Variants in NTNG1 observed in about 807,000 individuals in gnomAD.
NTNG1 encodes netrin G1.
Under a neutral mutation model 54.0 loss-of-function variants are expected in NTNG1, and 16 were observed. The observed-to-expected ratio is 0.30, with a 90% CI of 0.20 to 0.45. The LOEUF (loss-of-function observed/expected upper bound fraction) is 0.45, where lower values mean the gene tolerates loss of function less well. Ranked by LOEUF, NTNG1 falls within the 20% of genes least tolerant of loss-of-function variation. The pLI, the probability that NTNG1 is intolerant of heterozygous loss-of-function variation, is 1.00. For missense variants in NTNG1, 530 were observed against 678.7 expected (o/e 0.78, Z 2.43); for synonymous variants, 255 against 263.1 (o/e 0.97, Z 0.30).
At chr1:107,366,724 C>T (rs186232580) in intron 3 of NTNG1, among the ~76,000 whole-genome samples, 195 of 152,306 alleles carry the variant, frequency 1.3e-3, no homozygotes, top group African/African-American at 4.4e-3. Flanking sequence ...GCAGAATTAA[C>T]TCATCTATTA....
chr1:107,477,735 T>A (rs377676005), intron 7 of NTNG1, among the ~76,000 whole-genome samples: 130 of 147,944 alleles, frequency 8.8e-4, no homozygotes, highest in African/African-American at 3.1e-3. Flanking sequence ...AGATTTTTTT[T>A]ATACTATATC....
chr1:107,297,901 C>T (rs1020552809), intron 2 of NTNG1, among the ~76,000 whole-genome samples: 3 of 152,046 alleles, frequency 2.0e-5, no homozygotes, highest in Non-Finnish European at 4.4e-5. Flanking sequence ...TGAGCAAAAG[C>T]AGACCTGGAT....
At chr1:107,200,009 G>A (rs1282720772) in intron 2 of NTNG1, among the ~76,000 whole-genome samples, 2 of 151,708 alleles carry the variant, frequency 1.3e-5, no homozygotes, top group African/African-American at 2.4e-5. Context: ...TGGAATCATG[G>A]GGTTTTCTCT....
At chr1:107,235,273 A>G (rs936215119) in intron 2 of NTNG1, among the ~76,000 whole-genome samples, 1 of 151,832 alleles carries the variant, frequency 6.6e-6, no homozygotes, top group Admixed American at 6.6e-5. Context: ...AAAGTCAGTG[A>G]CTTCCATGGA....
rs1159916053 is a variant in NTNG1 at position 107,483,150 on chromosome 1, A to G, written c.*2310A>G. On this transcript the variant is annotated 3_prime_UTR_variant, in exon 8 of 8. Transcript: ENST00000370068. ...AAAATTAGAGTTTAAGTTGTCTTATAGTTTATTAGCACAAACCAAAGGCAG... is the reference window on the plus strand; with the variant it reads ...AAAATTAGAGTTTAAGTTGTCTTATGGTTTATTAGCACAAACCAAAGGCAG... 6.6e-6 allele frequency: 1 copy of G among 152,242 alleles called. No individual in the cohort carries two copies. The highest frequency in any genetic ancestry group is 1.9e-4 in the East Asian group (1 of 5,198). 9.4% of individuals were successfully genotyped at this position (152,242 alleles called of 1,614,324 possible).
chr1:107,236,676 A>T (rs989371026), intron 2 of NTNG1, among the ~76,000 whole-genome samples: 1 of 152,192 alleles, frequency 6.6e-6, no homozygotes, highest in Non-Finnish European at 1.5e-5. Context: ...TCATGTGGGC[A>T]GGTCTTTCCT....
At chr1:107,447,111 A>C (rs1329916322) in intron 7 of NTNG1, among the ~76,000 whole-genome samples, 1 of 152,102 alleles carries the variant, frequency 6.6e-6, no homozygotes, top group Non-Finnish European at 1.5e-5. Context: ...CTTTTGGGGA[A>C]ATGGGCATAT....
chr1:107,362,031 G>A (rs533282628), intron 3 of NTNG1, among the ~76,000 whole-genome samples: 1 of 152,228 alleles, frequency 6.6e-6, no homozygotes, highest in East Asian at 1.9e-4. Context: ...CAGAAAGCGT[G>A]AAGCTCATCC....
rs1675214740 is a variant in NTNG1 at position 107,430,826 on chromosome 1, A to G, written c.1164A>G (p.Lys388=). Reference sequence around the variant, plus strand: ...ATACAGTCATTTGCGTGAGCTGTAAACACAACACTAGAGGGCAGCACTGTG... The same window carrying G: ...ATACAGTCATTTGCGTGAGCTGTAAGCACAACACTAGAGGGCAGCACTGTG... ...LLNTVICVSC[K]HNTRGQHCEL... The change falls in exon 6 of 8, where the codon AAA becomes AAG. Residue 388 remains lysine (K), a synonymous_variant. Coordinates refer to ENST00000370068, the MANE Select transcript of NTNG1 (RefSeq NM_001113226.3). 6.2e-7 allele frequency: 1 copy of G among 1,613,322 alleles called. No homozygotes were observed. The highest frequency in any genetic ancestry group is 8.5e-7 in the Non-Finnish European group (1 of 1,179,630).
At chr1:107,414,241 A>T (rs645462) in intron 5 of NTNG1, among the ~76,000 whole-genome samples, 140,026 of 152,160 alleles carry the variant, frequency 0.92, 65,232 homozygotes, top group Non-Finnish European at 0.99. Context: ...AGAGCAAAAT[A>T]TTTCCTTCCA....
At chr1:107,428,389 T>C (rs1428665417) in intron 5 of NTNG1, among the ~76,000 whole-genome samples, 1 of 152,132 alleles carries the variant, frequency 6.6e-6, no homozygotes, top group Non-Finnish European at 1.5e-5. Flanking sequence ...TCTGAGCATA[T>C]GTTTTCTTAT....
intron 3 of NTNG1, among the ~76,000 whole-genome samples, chr1:107,344,656 G>C (rs929302947): frequency 2.0e-5 from 3 of 151,890 alleles, no homozygotes; most frequent in Non-Finnish European, 4.4e-5. Flanking sequence ...GTGAGGTTTG[G>C]GCCCTCTTCT....
chr1:107,469,138 C>A (rs1677809083), intron 7 of NTNG1, among the ~76,000 whole-genome samples: 1 of 149,958 alleles, frequency 6.7e-6, no homozygotes, highest in Admixed American at 6.7e-5. Flanking sequence ...CGTTCCTGAT[C>A]TTTTATTTCA....
chr1:107,160,648 T>C lies in NTNG1; in HGVS notation c.246+11809T>C, dbSNP rs529963745. Reference sequence around the variant, plus strand: ...AACTTTGTGTCCATTCAACATCATATGCTAACCCTTACTACTGCCTGGAAC... The same window carrying C: ...AACTTTGTGTCCATTCAACATCATACGCTAACCCTTACTACTGCCTGGAAC... On this transcript the variant is annotated intron_variant, in intron 2 of 7. Transcript: ENST00000370068. Among the ~76,000 whole-genome samples, 6 of 152,284 alleles carry C rather than the reference T, an allele frequency of 3.9e-5. No homozygotes were observed. In the South Asian group the frequency reaches 1.2e-3, roughly 32 times the overall value.
chr1:107,220,551 G>A (rs1414683607), intron 2 of NTNG1, among the ~76,000 whole-genome samples: 14 of 152,208 alleles, frequency 9.2e-5, no homozygotes, highest in Admixed American at 9.2e-4. Flanking sequence ...TTAAGAGAAT[G>A]ATCTCTGAAG....
intron 3 of NTNG1, among the ~76,000 whole-genome samples, chr1:107,326,106 G>T (rs1667938239): frequency 6.6e-6 from 1 of 152,124 alleles, no homozygotes; most frequent in Admixed American, 6.6e-5. Flanking sequence ...TGGGAACGCA[G>T]AATGGAGTGG....
chr1:107,178,910 A>G (rs1202659907), intron 2 of NTNG1, among the ~76,000 whole-genome samples: 3 of 152,232 alleles, frequency 2.0e-5, no homozygotes, highest in South Asian at 4.1e-4. Context: ...CCATCTGGGA[A>G]TGCTCACCTC....
chr1:107,408,684 A>G (rs1323747008), intron 5 of NTNG1: 1 of 152,042 alleles, frequency 6.6e-6, no homozygotes, highest in East Asian at 1.9e-4. Context: ...AACAACTACT[A>G]AGTAACTGAT....
At chr1:107,165,553 C>T (rs931337112) in intron 2 of NTNG1, among the ~76,000 whole-genome samples, 1 of 152,062 alleles carries the variant, frequency 6.6e-6, no homozygotes, top group African/African-American at 2.4e-5. Flanking sequence ...TAGTCTGCCC[C>T]CCACATCAGA....
Sources: allele counts gnomAD v4.1 joint callset (sites outside exome capture counted in the v4.1 genomes callset), GRCh38; gene constraint gnomAD v4.1.1; transcripts MANE v1.5; gene names NCBI Gene and HGNC (gene_info 2026-07-23, HGNC 2026-07-21).